CCDC192: variants seen among roughly 807,000 people sequenced by gnomAD.
CCDC192 encodes the protein coiled-coil domain-containing protein 192.
intron 5 of CCDC192, among the ~76,000 whole-genome samples, chr5:127,853,571 G>C (rs964509170): frequency 2.0e-5 from 3 of 152,146 alleles, no homozygotes; most frequent in Non-Finnish European, 2.9e-5. Flanking sequence ...TCAGGAGTTT[G>C]ATATCAGCCT....
intron 5 of CCDC192, among the ~76,000 whole-genome samples, chr5:127,852,662 G>A (rs1237022013): frequency 6.6e-6 from 1 of 152,178 alleles, no homozygotes; most frequent in Non-Finnish European, 1.5e-5. Context: ...TCCCATAACA[G>A]GAGGGAGAGA....
chr5:127,903,302 G>C (rs1348742216), intron 6 of CCDC192, among the ~76,000 whole-genome samples: 1 of 151,702 alleles, frequency 6.6e-6, no homozygotes, highest in Non-Finnish European at 1.5e-5. Context: ...GAGTGCAATG[G>C]CGCAATCTCG....
chr5:127,707,042 G>C (rs1266597815), intron 1 of CCDC192, among the ~76,000 whole-genome samples: 1 of 152,172 alleles, frequency 6.6e-6, no homozygotes, highest in African/African-American at 2.4e-5. Flanking sequence ...AATAATCACT[G>C]GGTTTAGGAA....
chr5:127,747,739 C>A (rs1441437093), intron 2 of CCDC192, among the ~76,000 whole-genome samples: 3 of 149,368 alleles, frequency 2.0e-5, no homozygotes, highest in Admixed American at 6.7e-5. Flanking sequence ...TAAAAGTGTT[C>A]CTATTTCTCC....
At chr5:127,733,687 C>T (rs759316602) in intron 2 of CCDC192, among the ~76,000 whole-genome samples, 16 of 152,068 alleles carry the variant, frequency 1.1e-4, no homozygotes, top group African/African-American at 3.9e-4. Context: ...ACTGCTGCCA[C>T]CAGACCTATA....
At chr5:127,802,420 G>A (rs1217227950) in intron 5 of CCDC192, among the ~76,000 whole-genome samples, 1 of 152,030 alleles carries the variant, frequency 6.6e-6, no homozygotes, top group African/African-American at 2.4e-5. Context: ...CCCCTTTCCT[G>A]CCTCATCTCC....
intron 5 of CCDC192, among the ~76,000 whole-genome samples, chr5:127,841,815 G>A (rs531853802): frequency 2.6e-4 from 26 of 99,166 alleles, no homozygotes; most frequent in African/African-American, 8.2e-4. Context: ...CCTTGGTATG[G>A]GGGCAGTTTT....
intron 5 of CCDC192, among the ~76,000 whole-genome samples, chr5:127,853,150 G>A (rs1254138088): frequency 6.6e-6 from 1 of 152,038 alleles, no homozygotes; most frequent in African/African-American, 2.4e-5. Flanking sequence ...CAACCCAGAT[G>A]TTTACTGTCC....
chr5:127,914,887 C>T (rs1276035938), intron 6 of CCDC192, among the ~76,000 whole-genome samples: 2 of 152,102 alleles, frequency 1.3e-5, no homozygotes, highest in African/African-American at 4.8e-5. Context: ...ATACAACAAT[C>T]AATTGGAAGG....
At chr5:127,740,952 C>CA (rs1271078834) in intron 2 of CCDC192, among the ~76,000 whole-genome samples, 1 of 151,972 alleles carries the variant, frequency 6.6e-6, no homozygotes, top group South Asian at 2.1e-4. Context: ...TCCTGTCACA[C>CA]AAAAAAAGTA....
At chr5:127,716,948 G>A (rs549737981) in intron 2 of CCDC192, among the ~76,000 whole-genome samples, 27 of 152,118 alleles carry the variant, frequency 1.8e-4, no homozygotes, top group Admixed American at 3.3e-4. Context: ...CTGTTTCCTG[G>A]AACCCTAACC....
chr5:127,822,451 C>T (rs956084972), intron 5 of CCDC192, among the ~76,000 whole-genome samples: 3 of 151,930 alleles, frequency 2.0e-5, no homozygotes, highest in Non-Finnish European at 2.9e-5. Flanking sequence ...GAACTTATGT[C>T]CTAGTGGGGT....
At chr5:127,835,906 C>A (rs187784765) in intron 5 of CCDC192, among the ~76,000 whole-genome samples, 8 of 152,290 alleles carry the variant, frequency 5.3e-5, no homozygotes, top group Non-Finnish European at 1.2e-4. Flanking sequence ...CCAATCCTAG[C>A]CCCTCCCAAA....
At chr5:127,702,860 A>C (rs1173133466), upstream of CCDC192, among the ~76,000 whole-genome samples, 2 of 152,224 alleles carry the variant, frequency 1.3e-5, no homozygotes, top group African/African-American at 4.8e-5. Context: ...GGGAAGATGG[A>C]GCAGCAGTTG....
intron 3 of CCDC192, among the ~76,000 whole-genome samples, chr5:127,795,772 T>A: frequency 6.6e-6 from 1 of 152,114 alleles, no homozygotes; most frequent in East Asian, 1.9e-4. Context: ...TGAGATTTTT[T>A]TTAACCCAAA....
intron 6 of CCDC192, among the ~76,000 whole-genome samples, chr5:127,918,216 T>TAAAAAAAAAAAAAAAAAAAAAAAAAA (rs1219307107): frequency 2.9e-4 from 29 of 100,364 alleles, no homozygotes; most frequent in Middle Eastern, 5.8e-3. Flanking sequence ...CTTCAATTTG[T>TAAAAAAAAAAAAAAAAAAAAAAAAAA]AAAAAAAAAA....
chr5:127,786,751 A>G, intron 3 of CCDC192: 4 of 688,818 alleles, frequency 5.8e-6, no homozygotes, highest in Non-Finnish European at 1.1e-5. Flanking sequence ...AGACTTGTCA[A>G]GTAATTATTC....
chr5:127,759,507 G>A (rs1015571457), intron 3 of CCDC192, among the ~76,000 whole-genome samples: 1 of 152,174 alleles, frequency 6.6e-6, no homozygotes, highest in Non-Finnish European at 1.5e-5. Flanking sequence ...CACCAGATCT[G>A]TTGGTGCCTT....
At chr5:127,703,919 GT>G (rs1307218963) in intron 1 of CCDC192, among the ~76,000 whole-genome samples, 1 of 152,088 alleles carries the variant, frequency 6.6e-6, no homozygotes, top group Non-Finnish European at 1.5e-5. Context: ...TCCTCTACAT[GT>G]TCCCCACATA....
Sources: gnomAD v4.1 joint callset for allele counts (sites outside exome capture counted in the v4.1 genomes callset) on GRCh38, gnomAD v4.1.1 for gene constraint, MANE v1.5 for transcripts, NCBI Gene and HGNC (gene_info 2026-07-23, HGNC 2026-07-21) for gene names.